FHIT: variants seen among roughly 807,000 people sequenced by gnomAD.
The protein encoded by FHIT is bis(5'-adenosyl)-triphosphatase.
Under a neutral mutation model 17.9 loss-of-function variants are expected in FHIT, and 19 were observed. That is an observed-to-expected ratio of 1.06 (90% CI 0.74 to 1.56). The LOEUF is 1.56. Ranked by LOEUF, FHIT falls within the 40% of genes most tolerant of loss-of-function variation. FHIT has a pLI of 0.00. For synonymous variants in FHIT, 81 were observed against 69.7 expected, an observed-to-expected ratio of 1.16 and a Z score of -0.81; for missense variants, 248 against 189.2, an observed-to-expected ratio of 1.31 and a Z score of -1.82.
At chr3:60,213,719 ACAT>A (rs1703564907) in intron 5 of FHIT, among the ~76,000 whole-genome samples, 1 of 152,222 alleles carries the variant, frequency 6.6e-6, no homozygotes, top group Admixed American at 6.5e-5. Flanking sequence ...TTTATTGTAG[ACAT>A]CATCAGTGAA....
At chr3:60,862,901 A>G (rs2107012011) in intron 3 of FHIT, among the ~76,000 whole-genome samples, 1 of 152,010 alleles carries the variant, frequency 6.6e-6, no homozygotes, top group East Asian at 1.9e-4. Context: ...ATTAAACACT[A>G]GATTAGGTGC....
chr3:60,234,850 C>T (rs1376414369), intron 5 of FHIT, among the ~76,000 whole-genome samples: 2 of 152,166 alleles, frequency 1.3e-5, no homozygotes, highest in South Asian at 4.1e-4. Flanking sequence ...TGATAGGACA[C>T]TGACTGGTAG....
intron 5 of FHIT, among the ~76,000 whole-genome samples, chr3:60,131,348 T>C (rs549730481): frequency 8.6e-5 from 13 of 151,804 alleles, no homozygotes; most frequent in South Asian, 4.2e-4. Context: ...ATGGTTTTTT[T>C]CCCAAATATT....
intron 3 of FHIT, among the ~76,000 whole-genome samples, chr3:60,874,251 G>T (rs1275715239): frequency 6.6e-6 from 1 of 152,044 alleles, no homozygotes; most frequent in Non-Finnish European, 1.5e-5. Context: ...ATACATGTTT[G>T]CTGCTATCAG....
intron 2 of FHIT, among the ~76,000 whole-genome samples, chr3:61,116,726 G>C (rs1161372467): frequency 6.6e-6 from 1 of 151,936 alleles, no homozygotes; most frequent in Admixed American, 6.6e-5. Flanking sequence ...TTTGAAGCCA[G>C]ACAGTTCTAG....
intron 5 of FHIT, among the ~76,000 whole-genome samples, chr3:60,030,350 C>T (rs887757311): frequency 6.6e-6 from 1 of 152,134 alleles, no homozygotes; most frequent in African/African-American, 2.4e-5. Flanking sequence ...ACTATAGGCC[C>T]TTTCTGTAGT....
intron 6 of FHIT, among the ~76,000 whole-genome samples, chr3:60,012,023 C>T (rs890750930): frequency 3.3e-5 from 5 of 152,100 alleles, no homozygotes; most frequent in Admixed American, 1.3e-4. Flanking sequence ...GATGGCCAAA[C>T]AAAGCAATGG....
chr3:60,462,915 C>CA (rs1476587901), intron 5 of FHIT, among the ~76,000 whole-genome samples: 6 of 152,166 alleles, frequency 3.9e-5, no homozygotes, highest in African/African-American at 1.4e-4. Flanking sequence ...TGCTCTGTAT[C>CA]ACTCCATGTA....
intron 4 of FHIT, among the ~76,000 whole-genome samples, chr3:60,605,265 T>C (rs2038573528): frequency 1.3e-5 from 2 of 152,162 alleles, no homozygotes; most frequent in East Asian, 3.9e-4. Flanking sequence ...TTCAAATCAC[T>C]GCAATAAAAG....
At chr3:60,321,635 CCT>C (rs549332976) in intron 5 of FHIT, among the ~76,000 whole-genome samples, 1 of 152,164 alleles carries the variant, frequency 6.6e-6, no homozygotes, top group Non-Finnish European at 1.5e-5. Context: ...CTGAGGATCT[CCT>C]CTCTCTGTAT....
At chr3:61,181,703 C>T (rs1294125316) in intron 2 of FHIT, among the ~76,000 whole-genome samples, 1 of 152,218 alleles carries the variant, frequency 6.6e-6, no homozygotes, top group African/African-American at 2.4e-5. Context: ...GCCCCTGAAT[C>T]TTGCCACATA....
At chr3:60,655,453 G>C (rs1330788867) in intron 4 of FHIT, among the ~76,000 whole-genome samples, 2 of 152,158 alleles carry the variant, frequency 1.3e-5, no homozygotes, top group African/African-American at 2.4e-5. Flanking sequence ...GAGGAATAGC[G>C]AATAAAGTAT....
At chr3:60,666,262 C>G (rs2040379846) in intron 4 of FHIT, among the ~76,000 whole-genome samples, 1 of 152,150 alleles carries the variant, frequency 6.6e-6, no homozygotes, top group Non-Finnish European at 1.5e-5. Flanking sequence ...CTTTCTTTAG[C>G]CAATCTTTAA....
intron 4 of FHIT, among the ~76,000 whole-genome samples, chr3:60,770,980 A>T (rs1399776950): frequency 6.6e-6 from 1 of 152,204 alleles, no homozygotes; most frequent in Non-Finnish European, 1.5e-5. Context: ...TCACAACCTA[A>T]CAGTTCTCTC....
intron 7 of FHIT, among the ~76,000 whole-genome samples, chr3:59,925,234 G>A (rs1197986113): frequency 6.6e-6 from 1 of 151,930 alleles, no homozygotes; most frequent in African/African-American, 2.4e-5. Flanking sequence ...CTCCCAAATG[G>A]CTGGGACTAC....
At chr3:61,213,062 T>C (rs544972151) in intron 1 of FHIT, among the ~76,000 whole-genome samples, 83 of 152,270 alleles carry the variant, frequency 5.5e-4, no homozygotes, top group African/African-American at 1.9e-3. Context: ...TGCCAAATTG[T>C]AAAGACCATC....
chr3:60,276,205 C>T (rs1707125205), intron 5 of FHIT, among the ~76,000 whole-genome samples: 1 of 152,062 alleles, frequency 6.6e-6, no homozygotes, highest in Non-Finnish European at 1.5e-5. Context: ...CCAGGATGGC[C>T]TCGATCTCCT....
chr3:59,848,239 T>C (rs1701794797), intron 8 of FHIT, among the ~76,000 whole-genome samples: 1 of 152,140 alleles, frequency 6.6e-6, no homozygotes, highest in Admixed American at 6.6e-5. Flanking sequence ...TTGAAATTAA[T>C]CACAATTTGT....
At chr3:59,771,547 C>T (rs1702075867) in intron 8 of FHIT, among the ~76,000 whole-genome samples, 1 of 152,122 alleles carries the variant, frequency 6.6e-6, no homozygotes. Flanking sequence ...CTATCGCCTC[C>T]CACTTTGCAG....
Sources: gnomAD v4.1 joint callset for allele counts (sites outside exome capture counted in the v4.1 genomes callset) on GRCh38, gnomAD v4.1.1 for gene constraint, MANE v1.5 for transcripts, NCBI Gene and HGNC (gene_info 2026-07-23, HGNC 2026-07-21) for gene names.